The following CENPS variants were observed in gnomAD, a reference collection of about 807,000 sequenced individuals.
CENPS encodes the protein FANCM associated histone fold protein 1.
A neutral mutation model predicts 17.9 loss-of-function variants in CENPS; 16 were observed. That is an observed-to-expected ratio of 0.90 (90% CI 0.61 to 1.36). The LOEUF is 1.36. Ranked by LOEUF, CENPS falls within the 40% of genes most tolerant of loss-of-function variation. The probability of loss-of-function intolerance (pLI) is 0.00; values close to 1 mark genes in which losing one functional copy is unlikely to be tolerated. For synonymous variants in CENPS, 49 were observed against 55.8 expected (o/e 0.88, Z 0.54); for missense variants, 160 against 158.6 (o/e 1.01, Z -0.05).
intron 3 of CENPS, among the ~76,000 whole-genome samples, chr1:10,439,945 C>G (rs1229696479): frequency 6.6e-6 from 1 of 152,116 alleles, no homozygotes; most frequent in Non-Finnish European, 1.5e-5. Flanking sequence ...TATTTAATGT[C>G]TATTTAAGCA....
intron 1 of CENPS, chr1:10,431,036 C>T (rs1219482987): frequency 1.5e-6 from 2 of 1,341,072 alleles, no homozygotes; most frequent in South Asian, 1.6e-5. Context: ...GCCCAGAGCT[C>T]GTCCTTAGAT....
Position 10,434,639 on chromosome 1 carries a change from C to T in CENPS, c.176-18C>T. The stretch of plus-strand genomic sequence containing the variant: ...ATGGGAGGGTGCCTAAAGTGTGTAT[C>T]TTTTTTTTCTCTTTCAGAAAATTTT... On this transcript the variant is annotated intron_variant, in intron 2 of 4. Coordinates refer to ENST00000309048, the MANE Select transcript of CENPS (RefSeq NM_199294.3). The T allele has an allele frequency of 6.2e-7, 1 of 1,601,628 alleles. No homozygotes were observed.
At position 10,439,673 on chromosome 1, in the gene CENPS, G is replaced by A. The variant is rs1013253481; in HGVS notation, c.210-674G>A. 8.5e-5 allele frequency among the ~76,000 whole-genome samples: 13 copies of A among 152,198 alleles called. No individual in the cohort carries two copies. The East Asian group carries it at 1.2e-3, about 14-fold the overall frequency. The stretch of plus-strand genomic sequence containing the variant: ...AGAGAATTGCTTTAACCCGGGAGGC[G>A]GAGGTTGCAGTGAGCCAAGATCGTG... On this transcript the variant is annotated intron_variant, in intron 3 of 4. Coordinates refer to ENST00000309048, the MANE Select transcript of CENPS (RefSeq NM_199294.3).
Position 10,439,537 on chromosome 1 carries a change from C to A in CENPS, c.210-810C>A, listed in dbSNP as rs200386341. On this transcript the variant is annotated intron_variant, in intron 3 of 4. Coordinates refer to ENST00000309048, the MANE Select transcript of CENPS (RefSeq NM_199294.3). ...CAGCTGGATCATGAGGTGAGGAGTT[C>A]AAGACCAGCCTGGCCAAGATGGTGA... 8.5e-5 allele frequency among the ~76,000 whole-genome samples: 13 copies of A among 152,096 alleles called. No individual in the cohort carries two copies. The East Asian group carries it at 2.5e-3, about 29-fold the overall frequency.
At chr1:10,436,191 C>T (rs1039300882) in intron 3 of CENPS, among the ~76,000 whole-genome samples, 4 of 150,288 alleles carry the variant, frequency 2.7e-5, no homozygotes, top group Non-Finnish European at 4.4e-5. Flanking sequence ...TTGGCCAGGG[C>T]GGTCTTGAAC....
chr1:10,436,699 C>CTT (rs1039227275), intron 3 of CENPS, among the ~76,000 whole-genome samples: 2 of 125,798 alleles, frequency 1.6e-5, no homozygotes, highest in Admixed American at 8.8e-5. Context: ...GAGTGAGACT[C>CTT]TGTCTCTTTA....
At chr1:10,432,966 C>A (rs552213035) in intron 1 of CENPS, among the ~76,000 whole-genome samples, 11 of 152,324 alleles carry the variant, frequency 7.2e-5, no homozygotes, top group African/African-American at 2.6e-4. Flanking sequence ...CCCTCCTCAT[C>A]TGTCTGGCCT....
At chr1:10,430,650 C>A in intron 1 of CENPS, 82 bp downstream of exon 1, 1 of 1,477,008 alleles carries the variant, frequency 6.8e-7, no homozygotes, top group Non-Finnish European at 9.0e-7. Context: ...CAGCCCCCGG[C>A]GGCTTCTCAT....
At chr1:10,432,618 C>CG (rs899706433) in intron 1 of CENPS, among the ~76,000 whole-genome samples, 47 of 151,680 alleles carry the variant, frequency 3.1e-4, no homozygotes, top group African/African-American at 1.1e-3. Flanking sequence ...CAGTGATACC[C>CG]CAGCCCAGCC....
rs374272587 is a variant in CENPS, at chr1:10,434,714, G to A, written c.209+24G>A. On this transcript the variant is annotated intron_variant, in intron 3 of 4. Coordinates refer to ENST00000309048, the MANE Select transcript of CENPS (RefSeq NM_199294.3). ...AGGTGGGTAGAGAACTTGATTATCCGACACTGCGTCTGTGTAGCTTTTTGG... is the reference window on the plus strand; with the variant it reads ...AGGTGGGTAGAGAACTTGATTATCCAACACTGCGTCTGTGTAGCTTTTTGG... 59 of 1,592,622 alleles carry A rather than the reference G, an allele frequency of 3.7e-5. No homozygotes were observed. In the African/African-American group the frequency reaches 4.4e-4, roughly 12 times the overall value.
chr1:10,439,887 T>C (rs1026830054), intron 3 of CENPS, among the ~76,000 whole-genome samples: 1 of 152,184 alleles, frequency 6.6e-6, no homozygotes, highest in Non-Finnish European at 1.5e-5. Flanking sequence ...AACATCAGGA[T>C]CTTGACCTAA....
rs377631941 is a variant in CENPS, at chr1:10,442,448, C to G, written c.*43C>G. ...AAAGTGCAGCCTTCTACAGGTAGAG[C>G]CACCTAGAAATGCATATGGCTGCAA... On this transcript the variant is annotated 3_prime_UTR_variant, in exon 5 of 5. Transcript: ENST00000309048. 2.9e-5 allele frequency: 43 copies of G among 1,501,920 alleles called. No homozygotes were observed. In the East Asian group the frequency reaches 3.5e-4, roughly 12 times the overall value. 93.0% of individuals were successfully genotyped at this position (1,501,920 alleles called of 1,614,324 possible). A position where few individuals can be genotyped will look rare whatever the true frequency, so the allele number is the denominator to read the frequency against.
Position 10,433,840 on chromosome 1 carries a change from A to G in CENPS, c.52-2A>G, listed in dbSNP as rs1404621899. On this transcript the variant is annotated splice_acceptor_variant, in intron 1 of 4. Coordinates refer to ENST00000309048, the MANE Select transcript of CENPS (RefSeq NM_199294.3). LOFTEE classifies it high-confidence loss of function. Reference sequence around the variant, plus strand: ...GTGAAATATTTTGATGTTTTTCCCCAGAGGCTAAAGGCAGCAGTTCACTAT... The same window carrying G: ...GTGAAATATTTTGATGTTTTTCCCCGGAGGCTAAAGGCAGCAGTTCACTAT... The G allele has an allele frequency of 4.3e-6, 7 of 1,613,928 alleles. No individual in the cohort carries two copies. Among genetic ancestry groups the G allele is most frequent in the South Asian group, 1.1e-5 (1 of 91,056 alleles).
At chr1:10,435,766 A>G (rs1446259325) in intron 3 of CENPS, among the ~76,000 whole-genome samples, 1 of 148,924 alleles carries the variant, frequency 6.7e-6, no homozygotes, top group African/African-American at 2.5e-5. Flanking sequence ...TTAGAGACAC[A>G]GCGTCTTGGT....
intron 2 of CENPS, 80 bp downstream of exon 2, chr1:10,434,045 C>G: frequency 6.3e-7 from 1 of 1,590,534 alleles, no homozygotes; most frequent in South Asian, 1.1e-5. Context: ...TGGGTGGGAG[C>G]TGTGGCGAGT....
intron 3 of CENPS, among the ~76,000 whole-genome samples, chr1:10,437,530 C>T (rs1306277523): frequency 3.3e-5 from 5 of 151,170 alleles, no homozygotes; most frequent in Non-Finnish European, 5.9e-5. Flanking sequence ...GATCTCAACT[C>T]ACCGCAACCT....
chr1:10,431,411 G>A, intron 1 of CENPS: 3 of 1,535,206 alleles, frequency 2.0e-6, no homozygotes, highest in Non-Finnish European at 2.6e-6. Context: ...GGTACAGAAT[G>A]CCCAGATGCC....
At chr1:10,435,746 A>ACAC (rs1356804779) in intron 3 of CENPS, among the ~76,000 whole-genome samples, 1 of 98,552 alleles carries the variant, frequency 1.0e-5, no homozygotes, top group Non-Finnish European at 2.3e-5. Flanking sequence ...CATATACATA[A>ACAC]ATATTTATAT....
At chr1:10,434,583 A>C in intron 2 of CENPS, 74 bp from the exon 3 acceptor site, 1 of 1,597,818 alleles carries the variant, frequency 6.3e-7, no homozygotes, top group Non-Finnish European at 8.5e-7. Context: ...TGTAGAAATC[A>C]AGGCTTCACT....
Sources: gnomAD v4.1 joint callset for allele counts (sites outside exome capture counted in the v4.1 genomes callset) on GRCh38, gnomAD v4.1.1 for gene constraint, MANE v1.5 for transcripts, NCBI Gene and HGNC (gene_info 2026-07-23, HGNC 2026-07-21) for gene names.